The following PDXDC1 variants were observed in gnomAD, a reference collection of about 807,000 sequenced individuals.
The protein encoded by PDXDC1 is pyridoxal dependent decarboxylase domain containing 1.
Under a neutral mutation model 100.1 loss-of-function variants are expected in PDXDC1, and 42 were observed. The ratio of observed to expected loss-of-function variants is 0.42; its 90% CI spans 0.33 to 0.54. The LOEUF (loss-of-function observed/expected upper bound fraction) is 0.54. Ranked by LOEUF, PDXDC1 falls within the 20% of genes least tolerant of loss-of-function variation. The probability of loss-of-function intolerance (pLI) is 0.10; values close to 1 mark genes in which losing one functional copy is unlikely to be tolerated. For synonymous variants in PDXDC1, 260 were observed against 371.7 expected, an observed-to-expected ratio of 0.70 and a Z score of 3.46; for missense variants, 636 against 979.2, an observed-to-expected ratio of 0.65 and a Z score of 4.68.
At chr16:15,038,814 C>A, downstream of PDXDC1, 1 of 592,252 alleles carries the variant, frequency 1.7e-6, no homozygotes. Context: ...AAACCTGTCT[C>A]AAATAACAAA....
chr16:15,130,994 T>A (rs1273844520), intron 16 of PDXDC1: 1 of 864,578 alleles, frequency 1.2e-6, no homozygotes, highest in Non-Finnish European at 1.9e-6. Flanking sequence ...GAAAGCAAAT[T>A]TCACCAGAGA....
At chr16:15,064,289 C>T (rs1363015060) in intron 16 of PDXDC1, among the ~76,000 whole-genome samples, 1 of 152,086 alleles carries the variant, frequency 6.6e-6, no homozygotes, top group Non-Finnish European at 1.5e-5. Context: ...GATTCTCCTG[C>T]CTCAGCCTCC....
intron 16 of PDXDC1, among the ~76,000 whole-genome samples, chr16:15,078,812 CTTTTTTT>C (rs5816111): frequency 8.5e-6 from 1 of 117,640 alleles, no homozygotes; most frequent in Non-Finnish European, 1.9e-5. Flanking sequence ...GTATTTTTTT[CTTTTTTT>C]TTTTTTTTTT....
chr16:14,998,636 AT>A (rs1972513325), intron 3 of PDXDC1, among the ~76,000 whole-genome samples: 3 of 152,252 alleles, frequency 2.0e-5, no homozygotes, highest in Non-Finnish European at 4.4e-5. Context: ...TTCAGTAGAG[AT>A]GGGATTTTGC....
chr16:15,151,986 G>A, the PDXDC1 span, among the ~76,000 whole-genome samples: 4 of 147,024 alleles, frequency 2.7e-5, no homozygotes, highest in Non-Finnish European at 4.6e-5. Context: ...GTCGGGGCAG[G>A]GAGGGCAGGG....
intron 16 of PDXDC1, chr16:15,083,505 T>C (rs775875638): frequency 2.5e-6 from 4 of 1,609,144 alleles, no homozygotes; most frequent in African/African-American, 2.7e-5. Context: ...AATGAAAAGA[T>C]TTCTTACCAG....
intron 16 of PDXDC1, among the ~76,000 whole-genome samples, chr16:15,101,589 G>A (rs1290404600): frequency 1.3e-5 from 2 of 150,418 alleles, no homozygotes; most frequent in African/African-American, 2.5e-5. Flanking sequence ...TTACCCAGGC[G>A]TGGTGGCACA....
intron 12 of PDXDC1, among the ~76,000 whole-genome samples, chr16:15,021,917 C>T (rs1233388461): frequency 6.6e-6 from 1 of 152,302 alleles, no homozygotes; most frequent in Non-Finnish European, 1.5e-5. Context: ...TACTTTCATG[C>T]ATCATCTCAT....
At chr16:15,059,897 T>C (rs1202364349) in intron 16 of PDXDC1, 2 of 169,720 alleles carry the variant, frequency 1.2e-5, no homozygotes, top group African/African-American at 4.8e-5. Flanking sequence ...CGGCATGCAA[T>C]GAATTCCATC....
At chr16:15,141,403 G>T (rs1486039711), downstream of PDXDC1, among the ~76,000 whole-genome samples, 1 of 152,240 alleles carries the variant, frequency 6.6e-6, no homozygotes, top group Non-Finnish European at 1.5e-5. Flanking sequence ...CCCTCACCTG[G>T]GCTGGGCGCC....
At chr16:15,074,722 C>T in intron 16 of PDXDC1, 1 of 1,610,612 alleles carries the variant, frequency 6.2e-7, no homozygotes. Flanking sequence ...CTGTGATTTA[C>T]CATCTACATA....
chr16:15,089,924 T>C (rs1052932959), intron 16 of PDXDC1, among the ~76,000 whole-genome samples: 1 of 150,132 alleles, frequency 6.7e-6, no homozygotes, highest in Non-Finnish European at 1.5e-5. Flanking sequence ...GTAAGTCCAC[T>C]GAGGCTGGGC....
downstream of PDXDC1, among the ~76,000 whole-genome samples, chr16:15,042,110 A>C (rs1475199973): frequency 6.6e-6 from 1 of 151,958 alleles, no homozygotes; most frequent in Non-Finnish European, 1.5e-5. Context: ...TAATCCTAAC[A>C]CTGTTAATAA....
the PDXDC1 span, among the ~76,000 whole-genome samples, chr16:15,145,432 C>A: frequency 1.6e-4 from 25 of 152,264 alleles, no homozygotes; most frequent in Non-Finnish European, 3.1e-4. Context: ...CAGCGCTGGC[C>A]TCATTCCTGC....
intron 16 of PDXDC1, chr16:15,092,537 A>G (rs2046176453): frequency 6.2e-7 from 1 of 1,613,192 alleles, no homozygotes; most frequent in East Asian, 2.2e-5. Flanking sequence ...GACTTCTGTC[A>G]CAGTTCCACC....
chr16:15,031,091 C>T (rs1309312789), intron 16 of PDXDC1, among the ~76,000 whole-genome samples: 1 of 149,104 alleles, frequency 6.7e-6, no homozygotes, highest in Non-Finnish European at 1.5e-5. Context: ...GCTGGGACTA[C>T]AGGCGAGCAC....
intron 16 of PDXDC1, chr16:15,085,977 T>C (rs568471191): frequency 4.0e-5 from 27 of 679,522 alleles, no homozygotes; most frequent in Non-Finnish European, 6.0e-5. Context: ...GACACCTCCA[T>C]AGGGGTCATT....
At chr16:15,060,208 T>C in intron 16 of PDXDC1, 1 of 393,742 alleles carries the variant, frequency 2.5e-6, no homozygotes, top group African/African-American at 2.1e-5. Context: ...CACTTACTAC[T>C]AATTTCTGGG....
At position 15,019,881 on chromosome 16, in the gene PDXDC1, A is replaced by C. The variant is rs374323325; in HGVS notation, c.1089+916A>C. 7.9e-5 allele frequency among the ~76,000 whole-genome samples: 12 copies of C among 152,296 alleles called. No individual in the cohort carries two copies. The South Asian group carries it at 2.5e-3, about 32-fold the overall frequency. The stretch of plus-strand genomic sequence containing the variant: ...TAATTCCAGCACTTTGGGAGGCTGA[A>C]GCGGGTGGATCACAAGGTCATGAGA... On this transcript the variant is annotated intron_variant, in intron 12 of 22. Transcript: ENST00000396410.
Sources: allele counts gnomAD v4.1 joint callset (sites outside exome capture counted in the v4.1 genomes callset), GRCh38; gene constraint gnomAD v4.1.1; transcripts MANE v1.5; gene names NCBI Gene and HGNC (gene_info 2026-07-23, HGNC 2026-07-21).